Variants in ARHGAP42 observed in about 807,000 individuals in gnomAD.
ARHGAP42 encodes the protein Rho GTPase activating protein 42.
Under a neutral mutation model 125.0 loss-of-function variants are expected in ARHGAP42, and 63 were observed. The ratio of observed to expected loss-of-function variants is 0.50; its 90% CI spans 0.41 to 0.62. ARHGAP42 has a LOEUF of 0.62. Ranked by LOEUF, ARHGAP42 falls within the 20% of genes least tolerant of loss-of-function variation. The probability of loss-of-function intolerance (pLI) is 0.00; values close to 1 mark genes in which losing one functional copy is unlikely to be tolerated. For missense variants in ARHGAP42, 766 were observed against 1,024.2 expected, an observed-to-expected ratio of 0.75 and a Z score of 3.44; for synonymous variants, 339 against 351.0, an observed-to-expected ratio of 0.97 and a Z score of 0.38.
chr11:100,984,059 G>T (rs867683966), intron 22 of ARHGAP42, among the ~76,000 whole-genome samples: 2 of 151,662 alleles, frequency 1.3e-5, no homozygotes, highest in Non-Finnish European at 2.9e-5. Context: ...CGAGACTGCA[G>T]TGAGCCATGA....
intron 1 of ARHGAP42, among the ~76,000 whole-genome samples, chr11:100,740,407 T>C (rs1423926793): frequency 4.6e-5 from 7 of 152,238 alleles, no homozygotes; most frequent in Non-Finnish European, 1.0e-4. Context: ...CGTTCTTTTA[T>C]ATGTAGAAAA....
chr11:100,833,856 A>C (rs1864718659), intron 3 of ARHGAP42, among the ~76,000 whole-genome samples: 2 of 152,200 alleles, frequency 1.3e-5, no homozygotes, highest in Non-Finnish European at 2.9e-5. Context: ...TGATGAGAGA[A>C]GTGTTAATGA....
At chr11:100,875,107 C>CTG (rs67247250) in intron 4 of ARHGAP42, among the ~76,000 whole-genome samples, 2,838 of 82,218 alleles carry the variant, frequency 0.035, 100 homozygotes, top group Non-Finnish European at 0.048. Context: ...CTCTCTCTCT[C>CTG]TGTGTGTGTG....
chr11:100,915,626 G>A (rs1043524805), intron 5 of ARHGAP42, among the ~76,000 whole-genome samples: 4 of 152,018 alleles, frequency 2.6e-5, no homozygotes, highest in African/African-American at 7.2e-5. Context: ...TACTTGCCTC[G>A]CTAGTAGCTT....
chr11:100,944,986 A>G (rs1422411493), intron 10 of ARHGAP42, among the ~76,000 whole-genome samples: 1 of 152,026 alleles, frequency 6.6e-6, no homozygotes, highest in Non-Finnish European at 1.5e-5. Flanking sequence ...GTTTGATAGC[A>G]TTTTACTCAG....
intron 2 of ARHGAP42, among the ~76,000 whole-genome samples, chr11:100,782,969 G>C (rs1424372590): frequency 1.3e-5 from 2 of 152,120 alleles, no homozygotes; most frequent in Admixed American, 1.3e-4. Flanking sequence ...AAAATCAGGA[G>C]CTGCCAGACT....
intron 4 of ARHGAP42, among the ~76,000 whole-genome samples, chr11:100,901,376 A>C (rs1866541918): frequency 6.6e-6 from 1 of 152,218 alleles, no homozygotes; most frequent in East Asian, 1.9e-4. Flanking sequence ...TCAGAGACCC[A>C]CTTGAGGAGG....
chr11:100,916,985 A>G (rs914604328), intron 5 of ARHGAP42, among the ~76,000 whole-genome samples: 1 of 150,968 alleles, frequency 6.6e-6, no homozygotes, highest in South Asian at 2.1e-4. Flanking sequence ...CAGAATATAC[A>G]GTATTATACA....
At chr11:100,926,313 G>T (rs1867420291) in intron 6 of ARHGAP42, among the ~76,000 whole-genome samples, 1 of 152,198 alleles carries the variant, frequency 6.6e-6, no homozygotes, top group Non-Finnish European at 1.5e-5. Flanking sequence ...ATTGTTGGTT[G>T]CCTAAGGCCA....
chr11:100,987,559 C>T lies in ARHGAP42; in HGVS notation c.2503C>T (p.Leu835Phe). ...YSCKAEHSHE[L>F]SFPQGAIFSN... ...CTGTAAAGCAGAGCACAGTCATGAG[C>T]TTTCCTTCCCACAAGGAGCAATATT... The change falls in exon 23 of 24, where the codon CTT becomes TTT. Residue 835 changes from leucine to phenylalanine, a missense_variant. Physicochemically the swap from Leu to Phe is conservative, Grantham distance 22 (BLOSUM62 0). Around this residue, in one of 3 missense-constraint regions of ARHGAP42, gnomAD observed 308 missense variants for 369.7 expected, o/e 0.83. Coordinates refer to ENST00000298815, the MANE Select transcript of ARHGAP42 (RefSeq NM_152432.4). 1 of 1,551,808 alleles carries T rather than the reference C, an allele frequency of 6.4e-7. No homozygotes were observed. The highest frequency in any genetic ancestry group is 2.4e-5 in the East Asian group (1 of 40,890).
intron 5 of ARHGAP42, among the ~76,000 whole-genome samples, chr11:100,919,690 C>A (rs1867180789): frequency 1.3e-5 from 2 of 152,068 alleles, no homozygotes; most frequent in Non-Finnish European, 2.9e-5. Flanking sequence ...ATGTGAGCCA[C>A]CATATCCAGC....
chr11:100,957,118 T>C (rs1270091218), intron 12 of ARHGAP42, among the ~76,000 whole-genome samples: 1 of 152,108 alleles, frequency 6.6e-6, no homozygotes, highest in Non-Finnish European at 1.5e-5. Flanking sequence ...ATGAAGAAGA[T>C]ACTATTATCT....
At chr11:100,845,695 T>G (rs1406530713) in intron 3 of ARHGAP42, among the ~76,000 whole-genome samples, 1 of 152,094 alleles carries the variant, frequency 6.6e-6, no homozygotes, top group Non-Finnish European at 1.5e-5. Flanking sequence ...GAAAACAGAT[T>G]TTATCCACTT....
chr11:100,706,821 T>C (rs1434169934), intron 1 of ARHGAP42, among the ~76,000 whole-genome samples: 2 of 152,138 alleles, frequency 1.3e-5, no homozygotes, highest in Admixed American at 6.5e-5. Flanking sequence ...ATATTCAGAG[T>C]TGTACAACCA....
chr11:100,942,002 A>T, intron 9 of ARHGAP42, 118 bp downstream of exon 9: 1 of 784,218 alleles, frequency 1.3e-6, no homozygotes, highest in Non-Finnish European at 2.0e-6. Context: ...ACAAAAAAAT[A>T]GAAGGTCAAA....
At chr11:100,852,857 G>GT (rs1182100601) in intron 3 of ARHGAP42, among the ~76,000 whole-genome samples, 1 of 152,160 alleles carries the variant, frequency 6.6e-6, no homozygotes, top group Non-Finnish European at 1.5e-5. Flanking sequence ...GCAGACCCTG[G>GT]TGTTTCCTTA....
At chr11:100,954,066 C>A (rs1008839785) in intron 12 of ARHGAP42, among the ~76,000 whole-genome samples, 5 of 152,150 alleles carry the variant, frequency 3.3e-5, no homozygotes, top group Admixed American at 6.6e-5. Context: ...TTGGAACAGT[C>A]ATTTACAGAG....
Position 100,979,421 on chromosome 11 carries a change from G to A in ARHGAP42, c.2456+372G>A, listed in dbSNP as rs565135581. Among the ~76,000 whole-genome samples, 4 of 152,118 alleles carry A rather than the reference G, an allele frequency of 2.6e-5. No individual in the cohort carries two copies. In the East Asian group the frequency reaches 7.8e-4, roughly 30 times the overall value. Reference sequence around the variant, plus strand: ...TGGAGGAATCATCATGAATATCCATGGAAAAATATGGTTATCCTTAAGGAT... The same window carrying A: ...TGGAGGAATCATCATGAATATCCATAGAAAAATATGGTTATCCTTAAGGAT... On this transcript the variant is annotated intron_variant, in intron 22 of 23. Coordinates refer to ENST00000298815, the MANE Select transcript of ARHGAP42 (RefSeq NM_152432.4).
At chr11:100,856,925 T>A (rs1163218353) in intron 3 of ARHGAP42, among the ~76,000 whole-genome samples, 1 of 152,110 alleles carries the variant, frequency 6.6e-6, no homozygotes, top group Non-Finnish European at 1.5e-5. Context: ...ACACTGTGTG[T>A]TGTCAGTTTT....
Sources: allele counts gnomAD v4.1 joint callset (sites outside exome capture counted in the v4.1 genomes callset), GRCh38; gene constraint gnomAD v4.1.1; regional missense constraint gnomAD v4.1.1; transcripts MANE v1.5; gene names NCBI Gene and HGNC (gene_info 2026-07-23, HGNC 2026-07-21).